Variants in PRKG1 observed in about 807,000 individuals in gnomAD.
PRKG1 encodes cGMP-dependent protein kinase 1.
In PRKG1, 35 loss-of-function variants were observed where a neutral mutation model predicts 88.1. The observed-to-expected ratio is 0.40, with a 90% confidence interval of 0.30 to 0.53. PRKG1 has a LOEUF of 0.53. PRKG1 is among the 20% of genes least tolerant of loss of function. The pLI is 0.59. For missense variants in PRKG1, 540 were observed against 839.8 expected (o/e 0.64, Z 4.41); for synonymous variants, 303 against 292.5 (o/e 1.04, Z -0.37).
intron 3 of PRKG1, among the ~76,000 whole-genome samples, chr10:51,720,138 C>T (rs1410171822): frequency 1.3e-5 from 2 of 152,124 alleles, no homozygotes; most frequent in Non-Finnish European, 2.9e-5. Context: ...CAGATATAGT[C>T]ATGTCAATTC....
chr10:51,885,239 A>G (rs929947978), intron 4 of PRKG1, among the ~76,000 whole-genome samples: 3 of 152,252 alleles, frequency 2.0e-5, no homozygotes, highest in Admixed American at 2.0e-4. Context: ...GAGCAGTACC[A>G]GGCACATAAC....
chr10:51,668,663 A>G (rs1840481316), intron 3 of PRKG1, among the ~76,000 whole-genome samples: 1 of 152,134 alleles, frequency 6.6e-6, no homozygotes, highest in South Asian at 2.1e-4. Context: ...TAGAGCCATC[A>G]TTTTTGTAAC....
rs529798174 is a variant in PRKG1, at chr10:51,238,452, G to A, written c.478+85122G>A. 1.1e-4 allele frequency among the ~76,000 whole-genome samples: 16 copies of A among 152,158 alleles called. No individual in the cohort carries two copies. In the South Asian group the frequency reaches 2.3e-3, roughly 22 times the overall value. ...AAAACAATTAGCTGGGCGTGGTGGC[G>A]GGCCCCGTTATCCCAGCTACTCAGG... On this transcript the variant is annotated intron_variant, in intron 2 of 17. Coordinates refer to ENST00000373980, the MANE Select transcript of PRKG1 (RefSeq NM_006258.4).
In PRKG1 at chr10:51,083,160, A is replaced by C. The variant is rs74131704; in HGVS notation, c.311+8259A>C. Reference sequence around the variant, plus strand: ...AATCTCCCTAGCATCTGAACCTATCAGCATCACTTTAATCTCTGGGGTTAC... The same window carrying C: ...AATCTCCCTAGCATCTGAACCTATCCGCATCACTTTAATCTCTGGGGTTAC... On this transcript the variant is annotated intron_variant, in intron 1 of 17. Coordinates refer to ENST00000373980, the MANE Select transcript of PRKG1 (RefSeq NM_006258.4). Among the ~76,000 whole-genome samples the C allele has an allele frequency of 4.2e-3, 643 of 152,270 alleles. 5 individuals are homozygous for C. The highest frequency in any genetic ancestry group is 0.014 in the African/African-American group (601 of 41,556).
chr10:51,882,884 T>C (rs1057285460), intron 4 of PRKG1, among the ~76,000 whole-genome samples: 2 of 152,206 alleles, frequency 1.3e-5, no homozygotes, highest in African/African-American at 4.8e-5. Context: ...TTGTTCTCAG[T>C]GTACTATCAT....
chr10:51,426,615 C>G (rs1838593240), intron 2 of PRKG1, among the ~76,000 whole-genome samples: 1 of 151,984 alleles, frequency 6.6e-6, no homozygotes, highest in Non-Finnish European at 1.5e-5. Context: ...ACCTTGCTAT[C>G]CAATTAAGTA....
intron 2 of PRKG1, among the ~76,000 whole-genome samples, chr10:51,203,139 C>T (rs1184480480): frequency 2.0e-5 from 3 of 152,004 alleles, no homozygotes; most frequent in South Asian, 2.1e-4. Flanking sequence ...CTTGGGCCTA[C>T]TTAAATGGTC....
At chr10:51,975,149 T>C (rs1056922593) in intron 5 of PRKG1, among the ~76,000 whole-genome samples, 6 of 152,120 alleles carry the variant, frequency 3.9e-5, no homozygotes, top group Non-Finnish European at 8.8e-5. Context: ...TATTTATAAG[T>C]AACCATAAAA....
intron 3 of PRKG1, among the ~76,000 whole-genome samples, chr10:51,726,237 AT>A (rs891783719): frequency 5.3e-5 from 8 of 152,026 alleles, no homozygotes; most frequent in African/African-American, 1.9e-4. Context: ...TATGCTATGT[AT>A]TTTAGTTTTG....
At chr10:52,120,272 G>C (rs1343005363) in intron 7 of PRKG1, among the ~76,000 whole-genome samples, 1 of 152,154 alleles carries the variant, frequency 6.6e-6, no homozygotes, top group South Asian at 2.1e-4. Flanking sequence ...TGAACTTTGG[G>C]GGATACATTC....
chr10:51,580,343 T>C (rs10998320), intron 3 of PRKG1, among the ~76,000 whole-genome samples: 10,507 of 152,170 alleles, frequency 0.069, 1,192 homozygotes, highest in African/African-American at 0.24. Context: ...CAAACAACAT[T>C]ACAATTATTA....
intron 3 of PRKG1, among the ~76,000 whole-genome samples, chr10:51,787,030 T>C (rs971663056): frequency 1.3e-5 from 2 of 152,120 alleles, no homozygotes; most frequent in African/African-American, 4.8e-5. Flanking sequence ...TTTTTGGTCA[T>C]TGTGGTTAAA....
chr10:51,986,512 T>G (rs925039400), intron 5 of PRKG1, among the ~76,000 whole-genome samples: 5 of 152,212 alleles, frequency 3.3e-5, no homozygotes, highest in African/African-American at 9.7e-5. Flanking sequence ...GAACATTATG[T>G]GATGCCAGCT....
intron 4 of PRKG1, among the ~76,000 whole-genome samples, chr10:51,890,921 A>C (rs1046026495): frequency 2.0e-5 from 3 of 152,166 alleles, no homozygotes; most frequent in African/African-American, 7.2e-5. Context: ...GTGCCACTGC[A>C]CTCCAGCCTG....
chr10:51,891,041 C>T (rs1332873291), intron 4 of PRKG1, among the ~76,000 whole-genome samples: 5 of 152,042 alleles, frequency 3.3e-5, no homozygotes, highest in African/African-American at 1.2e-4. Flanking sequence ...GAGGGAGGAC[C>T]CCTTGAACTT....
At chr10:51,292,426 C>T (rs926757315) in intron 2 of PRKG1, among the ~76,000 whole-genome samples, 2 of 152,086 alleles carry the variant, frequency 1.3e-5, no homozygotes, top group African/African-American at 2.4e-5. Context: ...TTTAAATGAA[C>T]AAAGAAAGGA....
intron 5 of PRKG1, among the ~76,000 whole-genome samples, chr10:52,004,097 C>T (rs1033509268): frequency 6.6e-6 from 1 of 152,148 alleles, no homozygotes; most frequent in African/African-American, 2.4e-5. Context: ...ATTATCTCTA[C>T]TTTTGTCATT....
At chr10:51,718,420 T>C (rs1184117186) in intron 3 of PRKG1, among the ~76,000 whole-genome samples, 1 of 152,038 alleles carries the variant, frequency 6.6e-6, no homozygotes, top group Non-Finnish European at 1.5e-5. Flanking sequence ...TGAGGAGTGA[T>C]ATGAGATAGA....
intron 3 of PRKG1, among the ~76,000 whole-genome samples, chr10:51,714,204 T>C (rs1216953551): frequency 6.6e-6 from 1 of 152,172 alleles, no homozygotes; most frequent in East Asian, 1.9e-4. Context: ...GGTCTCCATA[T>C]CCTGACCTCG....
Sources: allele counts gnomAD v4.1 joint callset (sites outside exome capture counted in the v4.1 genomes callset), GRCh38; gene constraint gnomAD v4.1.1; transcripts MANE v1.5; gene names NCBI Gene and HGNC (gene_info 2026-07-23, HGNC 2026-07-21).